The following SLCO3A1 variants were observed in gnomAD, a reference collection of about 807,000 sequenced individuals.
SLCO3A1 encodes the protein solute carrier organic anion transporter family member 3A1.
A neutral mutation model predicts 63.1 loss-of-function variants in SLCO3A1; 27 were observed. The observed-to-expected ratio is 0.43, with a 90% confidence interval of 0.32 to 0.59. The LOEUF (loss-of-function observed/expected upper bound fraction) is 0.59. SLCO3A1 is among the 20% of genes least tolerant of loss of function. The probability of loss-of-function intolerance (pLI) is 0.09; values close to 1 mark genes in which losing one functional copy is unlikely to be tolerated. For synonymous variants in SLCO3A1, 473 were observed against 409.9 expected (o/e 1.15, Z -1.86); for missense variants, 773 against 945.8 (o/e 0.82, Z 2.40).
At position 91,948,296 on chromosome 15, in the gene SLCO3A1, G is replaced by A. The variant is rs1010237431; in HGVS notation, c.646+31838G>A. ...ACAGTGGGCTCAAATGTGACCCTGC[G>A]TAGTGCTCCTGGGAGGTGCATTTGA... On this transcript the variant is annotated intron_variant, in intron 2 of 9. Transcript: ENST00000318445. This position sits in a 1 kb window ranked among gnomAD's most constrained non-coding sequence, Gnocchi z 4.8. Among the ~76,000 whole-genome samples the A allele has an allele frequency of 5.3e-5, 8 of 152,276 alleles. No homozygotes were observed. In the South Asian group the frequency reaches 6.2e-4, roughly 12 times the overall value.
chr15:91,950,052 C>T lies in SLCO3A1; in HGVS notation c.646+33594C>T, dbSNP rs59328408. 0.034 allele frequency among the ~76,000 whole-genome samples: 5,226 copies of T among 152,066 alleles called. 182 individuals are homozygous for T. Among genetic ancestry groups the T allele is most frequent in the African/African-American group, 0.087 (3,622 of 41,436 alleles). ...AAGGCAGACTGTGATGGATTCTATACGGAAGAGATAAATGCCCTGCTGTGG... is the reference window on the plus strand; with the variant it reads ...AAGGCAGACTGTGATGGATTCTATATGGAAGAGATAAATGCCCTGCTGTGG... On this transcript the variant is annotated intron_variant, in intron 2 of 9. Transcript: ENST00000318445. This position sits in a 1 kb window ranked among gnomAD's most constrained non-coding sequence, Gnocchi z 4.4.
chr15:92,064,372 T>G (rs2047123141), intron 2 of SLCO3A1, among the ~76,000 whole-genome samples: 1 of 152,248 alleles, frequency 6.6e-6, no homozygotes, highest in Non-Finnish European at 1.5e-5. Flanking sequence ...TTTCACATAT[T>G]CTTTCCCATT....
At chr15:92,086,363 A>G (rs2047404356) in intron 2 of SLCO3A1, among the ~76,000 whole-genome samples, 2 of 152,294 alleles carry the variant, frequency 1.3e-5, no homozygotes, top group African/African-American at 4.8e-5. Context: ...CTGAATTCTA[A>G]TGAGACTGAC....
At chr15:92,096,198 A>G (rs1210121606) in intron 3 of SLCO3A1, among the ~76,000 whole-genome samples, 3 of 152,108 alleles carry the variant, frequency 2.0e-5, no homozygotes, top group Admixed American at 6.5e-5. Flanking sequence ...GCTCACTGCC[A>G]TGGGCCCACA....
At chr15:91,955,532 T>G (rs1453038183) in intron 2 of SLCO3A1, among the ~76,000 whole-genome samples, 1 of 152,048 alleles carries the variant, frequency 6.6e-6, no homozygotes, top group Non-Finnish European at 1.5e-5. Flanking sequence ...GGGGTTTCAC[T>G]ATGTTGGCCA....
chr15:91,903,443 C>T (rs900960095), intron 1 of SLCO3A1, among the ~76,000 whole-genome samples: 8 of 152,154 alleles, frequency 5.3e-5, no homozygotes, highest in Non-Finnish European at 1.0e-4. Context: ...ACTTCAGGAA[C>T]GGACAGGACA....
At position 91,937,542 on chromosome 15, in the gene SLCO3A1, A is replaced by T. The variant is rs570140000; in HGVS notation, c.646+21084A>T. Among the ~76,000 whole-genome samples the T allele has an allele frequency of 8.7e-4, 132 of 152,006 alleles. 2 individuals are homozygous for T. The highest frequency in any genetic ancestry group is 8.5e-3 in the Admixed American group (130 of 15,276). ...AGACCAGCCTGGCCAACATAGTGAA[A>T]CCCCATCTCTACTAAAAATACAAAA... is the stretch of plus-strand genomic sequence containing the variant. On this transcript the variant is annotated intron_variant, in intron 2 of 9. Transcript: ENST00000318445.
intron 2 of SLCO3A1, among the ~76,000 whole-genome samples, chr15:91,962,385 A>G (rs1900479718): frequency 6.7e-6 from 1 of 150,228 alleles, no homozygotes; most frequent in Admixed American, 6.7e-5. Context: ...AGGCTGAGGC[A>G]GGAAAATCAC....
At chr15:92,075,059 G>C (rs778874831) in intron 2 of SLCO3A1, among the ~76,000 whole-genome samples, 1 of 152,082 alleles carries the variant, frequency 6.6e-6, no homozygotes, top group Non-Finnish European at 1.5e-5. Context: ...CTGGGCACTT[G>C]GCCTCCACCT....
intron 4 of SLCO3A1, among the ~76,000 whole-genome samples, chr15:92,115,487 A>T (rs1464663177): frequency 6.6e-6 from 1 of 152,068 alleles, no homozygotes; most frequent in African/African-American, 2.4e-5. Context: ...CACTTCTTTT[A>T]TATTAATTAT....
intron 2 of SLCO3A1, among the ~76,000 whole-genome samples, chr15:91,917,278 T>G (rs773360385): frequency 7.2e-5 from 11 of 152,212 alleles, no homozygotes; most frequent in Non-Finnish European, 1.2e-4. Context: ...TGCTAAGCTT[T>G]GAAAACATTA....
At chr15:92,059,301 G>A (rs2047058131) in intron 2 of SLCO3A1, among the ~76,000 whole-genome samples, 1 of 152,236 alleles carries the variant, frequency 6.6e-6, no homozygotes, top group Non-Finnish European at 1.5e-5. Flanking sequence ...CGGGTGCCCT[G>A]TGGCTGGGCT....
intron 2 of SLCO3A1, among the ~76,000 whole-genome samples, chr15:92,057,263 C>G (rs1384816343): frequency 6.6e-6 from 1 of 152,234 alleles, no homozygotes; most frequent in East Asian, 1.9e-4. Context: ...TGCCCCTTCC[C>G]TAGGGCAGCC....
chr15:92,068,718 A>G (rs1044987901), intron 2 of SLCO3A1, among the ~76,000 whole-genome samples: 2 of 152,160 alleles, frequency 1.3e-5, no homozygotes, highest in African/African-American at 4.8e-5. Flanking sequence ...GTTCTGTCCG[A>G]ATGGTGTTAA....
chr15:91,992,412 T>G (rs2046138014), intron 2 of SLCO3A1, among the ~76,000 whole-genome samples: 2 of 152,242 alleles, frequency 1.3e-5, no homozygotes, highest in Admixed American at 1.3e-4. Context: ...GTGAAGGTTA[T>G]GACCGCCAGT....
rs554937522 is a variant in SLCO3A1 at position 92,032,445 on chromosome 15, C to T, written c.647-62436C>T. 4.0e-4 allele frequency among the ~76,000 whole-genome samples: 61 copies of T among 152,182 alleles called. 1 individual carries two copies. Among genetic ancestry groups the T allele is most frequent in the African/African-American group, 1.4e-3 (60 of 41,540 alleles). On this transcript the variant is annotated intron_variant, in intron 2 of 9. Transcript: ENST00000318445. ...GAGGCTAAGTGTATAGGGTAATTCC[C>T]AGTCTAGGGCTGTGTTATGTTTTCA...
intron 4 of SLCO3A1, among the ~76,000 whole-genome samples, chr15:92,109,234 G>A (rs1255916747): frequency 6.6e-6 from 1 of 152,166 alleles, no homozygotes; most frequent in Non-Finnish European, 1.5e-5. Flanking sequence ...GGAAGGGAAA[G>A]GCATTTGAAC....
Position 91,853,889 on chromosome 15 carries a change from G to T in SLCO3A1, c.-20G>T. The T allele has an allele frequency of 7.5e-7, 1 of 1,341,782 alleles. No individual in the cohort carries two copies. 83.1% of individuals were successfully genotyped at this position (1,341,782 alleles called of 1,614,324 possible). A position where few individuals can be genotyped will look rare whatever the true frequency, so the allele number is the denominator to read the frequency against. On this transcript the variant is annotated 5_prime_UTR_variant, in exon 1 of 10. Transcript: ENST00000318445. ...CGGGAAAGCGGCAGCGGCGGCGGCG[G>T]CGGCGGCGGCGGGGGAAGGATGCAG...
intron 2 of SLCO3A1, among the ~76,000 whole-genome samples, chr15:92,080,334 A>G (rs2047328029): frequency 6.6e-6 from 1 of 151,720 alleles, no homozygotes; most frequent in Non-Finnish European, 1.5e-5. Flanking sequence ...GTTTTTTTAA[A>G]CAGGGTCTCT....
Sources: allele counts gnomAD v4.1 joint callset (sites outside exome capture counted in the v4.1 genomes callset), GRCh38; gene constraint gnomAD v4.1.1; non-coding constraint Gnocchi (gnomAD v3.1); transcripts MANE v1.5; gene names NCBI Gene and HGNC (gene_info 2026-07-23, HGNC 2026-07-21).